Variants in PAQR8 observed in about 807,000 individuals in gnomAD.
PAQR8 encodes the protein progestin and adipoQ receptor family member 8, also known as membrane progestin receptor beta.
PAQR8 carries 17 observed loss-of-function variants against 25.2 expected under a neutral mutation model. That is an observed-to-expected ratio of 0.67 (90% CI 0.46 to 1.01). PAQR8 has a LOEUF of 1.01. PAQR8 is among the 50% of genes least tolerant of loss of function. The pLI is 0.00. For synonymous variants in PAQR8, 204 were observed against 190.6 expected (o/e 1.07, Z -0.58); for missense variants, 392 against 448.4 (o/e 0.87, Z 1.14).
At chr6:52,400,097 C>A (rs1763813037) in intron 1 of PAQR8, among the ~76,000 whole-genome samples, 1 of 152,194 alleles carries the variant, frequency 6.6e-6, no homozygotes, top group African/African-American at 2.4e-5. Flanking sequence ...GTTTCTCTTT[C>A]TGGCTGACTG....
At chr6:52,393,858 G>A (rs1328966282) in intron 1 of PAQR8, among the ~76,000 whole-genome samples, 2 of 152,186 alleles carry the variant, frequency 1.3e-5, no homozygotes, top group African/African-American at 2.4e-5. Context: ...AGCACCTGAG[G>A]GGAAGCCTTC....
intron 1 of PAQR8, among the ~76,000 whole-genome samples, chr6:52,400,946 C>T (rs1763823039): frequency 6.6e-6 from 1 of 152,220 alleles, no homozygotes; most frequent in African/African-American, 2.4e-5. Flanking sequence ...ATTTACTACG[C>T]ACTTACCTTG....
intron 1 of PAQR8, among the ~76,000 whole-genome samples, chr6:52,375,021 T>C (rs9296674): frequency 0.01 from 1,581 of 151,916 alleles, 32 homozygotes; most frequent in African/African-American, 0.036. Flanking sequence ...AGATATGTTA[T>C]TGCAAATATT....
intron 1 of PAQR8, among the ~76,000 whole-genome samples, chr6:52,382,762 G>C (rs533918846): frequency 5.6e-4 from 86 of 152,260 alleles, no homozygotes; most frequent in African/African-American, 2.0e-3. Flanking sequence ...AGGGTGGGAA[G>C]GGAATGGGTA....
intron 1 of PAQR8, among the ~76,000 whole-genome samples, chr6:52,388,085 A>G (rs928309091): frequency 6.6e-6 from 1 of 152,234 alleles, no homozygotes; most frequent in African/African-American, 2.4e-5. Flanking sequence ...TGTAAAAATA[A>G]TAGAAATAGG....
chr6:52,395,005 G>A (rs1763751100), intron 1 of PAQR8, among the ~76,000 whole-genome samples: 1 of 151,806 alleles, frequency 6.6e-6, no homozygotes, highest in Admixed American at 6.6e-5. Flanking sequence ...AGTGACTGAC[G>A]CCTGTAATCC....
At chr6:52,375,191 C>T (rs1418780308) in intron 1 of PAQR8, among the ~76,000 whole-genome samples, 2 of 152,070 alleles carry the variant, frequency 1.3e-5, no homozygotes, top group Non-Finnish European at 2.9e-5. Context: ...CCCCACCTCC[C>T]TCAAGAGCTT....
At chr6:52,377,672 AAG>A (rs1763500887) in intron 1 of PAQR8, among the ~76,000 whole-genome samples, 2 of 151,874 alleles carry the variant, frequency 1.3e-5, no homozygotes, top group Non-Finnish European at 2.9e-5. Flanking sequence ...AACTTCCCAA[AAG>A]CCTAGGAAGT....
chr6:52,377,855 A>G (rs1008084252), intron 1 of PAQR8, among the ~76,000 whole-genome samples: 1 of 152,150 alleles, frequency 6.6e-6, no homozygotes, highest in Non-Finnish European at 1.5e-5. Flanking sequence ...CAAACTTTAT[A>G]TGGAAAGAGA....
At chr6:52,399,726 G>C (rs111805477) in intron 1 of PAQR8, among the ~76,000 whole-genome samples, 28 of 152,204 alleles carry the variant, frequency 1.8e-4, no homozygotes, top group African/African-American at 6.5e-4. Context: ...CATAAAATCA[G>C]ACTGGTAATT....
Position 52,383,388 on chromosome 6 carries a change from G to A in PAQR8, c.-52-19774G>A, listed in dbSNP as rs180672716. ...TTAGAAACCAGGAATTCGGCCGGGC[G>A]CGGTGGCTCACGCCTGTAATCCCAG... On this transcript the variant is annotated intron_variant, in intron 1 of 1. Transcript: ENST00000442253. Among the ~76,000 whole-genome samples, 516 of 152,310 alleles carry A rather than the reference G, an allele frequency of 3.4e-3. 2 individuals are homozygous for A. Among genetic ancestry groups the A allele is most frequent in the African/African-American group, 0.012 (502 of 41,566 alleles).
intron 1 of PAQR8, among the ~76,000 whole-genome samples, chr6:52,399,683 T>C (rs561825536): frequency 1.3e-5 from 2 of 152,244 alleles, no homozygotes; most frequent in East Asian, 3.9e-4. Context: ...TCACTGGGGT[T>C]ATACCCAGTG....
intron 1 of PAQR8, among the ~76,000 whole-genome samples, chr6:52,379,619 CTTTTTTTTTTT>C (rs909812638): frequency 1.3e-5 from 1 of 77,238 alleles, no homozygotes; most frequent in Non-Finnish European, 2.5e-5. Context: ...ACCCAGCTTT[CTTTTTTTTTTT>C]TTTTTTTTTT....
chr6:52,373,188 C>T (rs534644042), intron 1 of PAQR8, among the ~76,000 whole-genome samples: 1 of 152,278 alleles, frequency 6.6e-6, no homozygotes, highest in Non-Finnish European at 1.5e-5. Flanking sequence ...CATTTAGGTA[C>T]ACAGGGACAG....
chr6:52,373,110 A>C (rs1473230014), intron 1 of PAQR8, among the ~76,000 whole-genome samples: 1 of 152,226 alleles, frequency 6.6e-6, no homozygotes, highest in Non-Finnish European at 1.5e-5. Context: ...TGGGATTAAC[A>C]AACTCCCACG....
chr6:52,372,085 C>T (rs1391091996), intron 1 of PAQR8, among the ~76,000 whole-genome samples: 5 of 152,124 alleles, frequency 3.3e-5, no homozygotes, highest in Admixed American at 6.5e-5. Flanking sequence ...TTCCTGAACC[C>T]ACTGGAGGCA....
At chr6:52,363,215 T>A (rs923703162) in intron 1 of PAQR8, among the ~76,000 whole-genome samples, 1 of 152,066 alleles carries the variant, frequency 6.6e-6, no homozygotes, top group African/African-American at 2.4e-5. Context: ...TGCGGGGACC[T>A]GGAGGTAGCC....
In PAQR8 at chr6:52,405,306, C is replaced by G. The variant is rs1014759770; in HGVS notation, c.*1028C>G. ...GTCCAGCCTCCTACATAGATGCTGC[C>G]CCACGAAGGACCCACAAAACTAACC... On this transcript the variant is annotated 3_prime_UTR_variant, in exon 2 of 2. Coordinates refer to ENST00000442253, the MANE Select transcript of PAQR8 (RefSeq NM_133367.5). The G allele has an allele frequency of 1.2e-5, 2 of 167,054 alleles. No homozygotes were observed. The highest frequency in any genetic ancestry group is 2.9e-5 in the Non-Finnish European group (2 of 68,132). The allele number at this position is 167,054 out of a possible 1,614,324, so 10.3% of individuals were successfully genotyped here.
chr6:52,380,871 A>G (rs955350069), intron 1 of PAQR8, among the ~76,000 whole-genome samples: 2 of 152,226 alleles, frequency 1.3e-5, no homozygotes, highest in Non-Finnish European at 2.9e-5. Context: ...TCAACTTGCT[A>G]TCATTTAAGC....
Sources: allele counts gnomAD v4.1 joint callset (sites outside exome capture counted in the v4.1 genomes callset), GRCh38; gene constraint gnomAD v4.1.1; transcripts MANE v1.5; gene names NCBI Gene and HGNC (gene_info 2026-07-23, HGNC 2026-07-21).